Variants in HMCN2 observed in about 807,000 individuals in gnomAD.
HMCN2 encodes hemicentin-2.
Under a neutral mutation model 377.5 loss-of-function variants are expected in HMCN2, and 325 were observed. The observed-to-expected ratio is 0.86, with a 90% CI of 0.79 to 0.94. HMCN2 has a LOEUF of 0.94. Ranked by LOEUF, HMCN2 falls within the 40% of genes least tolerant of loss-of-function variation. The pLI is 0.00. For missense variants in HMCN2, 4,543 were observed against 4,725.3 expected (o/e 0.96, Z 1.13); for synonymous variants, 2,007 against 2,046.8 (o/e 0.98, Z 0.53).
chr9:130,410,299 G>A (rs1463440764), intron 84 of HMCN2, among the ~76,000 whole-genome samples: 1 of 152,238 alleles, frequency 6.6e-6, no homozygotes, highest in Non-Finnish European at 1.5e-5. Context: ...TCTACACCAT[G>A]CTTTTCCAGC....
At chr9:130,386,371 A>ATGC in intron 60 of HMCN2, 72 bp from the exon 61 acceptor site, 1 of 985,156 alleles carries the variant, frequency 1.0e-6, no homozygotes, top group Non-Finnish European at 1.4e-6. Context: ...GGGGGCCTAG[A>ATGC]TGCTTTTGGG....
At chr9:130,342,967 GTT>G (rs1839140032) in intron 25 of HMCN2, among the ~76,000 whole-genome samples, 1 of 152,200 alleles carries the variant, frequency 6.6e-6, no homozygotes, top group Admixed American at 6.5e-5. Flanking sequence ...GCCCTTCCTG[GTT>G]TTGTAACTCA....
At chr9:130,268,473 G>A (rs1296375366) in intron 1 of HMCN2, among the ~76,000 whole-genome samples, 2 of 139,350 alleles carry the variant, frequency 1.4e-5, no homozygotes, top group African/African-American at 4.9e-5. Context: ...TTCATTCCAC[G>A]GGGCTGGTAG....
Position 130,428,487 on chromosome 9 carries a change from A to G in HMCN2, c.14195A>G (p.Glu4732Gly). Residue 4732 changes from glutamate to glycine, a missense_variant and splice_region_variant, in exon 93 of 98, where the codon GAA (glutamate) becomes GGA (glycine). Glu to Gly is a moderately conservative substitution (Grantham distance 98, BLOSUM62 -2). Transcript: ENST00000683500. The surrounding 1 kb of genome is among the most constrained non-coding windows in gnomAD (Gnocchi z 5.0). Reference sequence around the variant, plus strand: ...CGGGTGGCTGATGGGGCCGGCTGTGAAGGTGATGGGGGCACAGCATGCGGC... The same window carrying G: ...CGGGTGGCTGATGGGGCCGGCTGTGGAGGTGATGGGGGCACAGCATGCGGC... Reference protein sequence around the residue: ...GFRVADGAGCEDVDECLEGLD... With the variant: ...GFRVADGAGCGDVDECLEGLD... 1 of 1,539,966 alleles carries G rather than the reference A, an allele frequency of 6.5e-7. No individual in the cohort carries two copies. The highest frequency in any genetic ancestry group is 2.4e-5 in the East Asian group (1 of 40,912).
chr9:130,400,587 T>A (rs79486869), intron 76 of HMCN2, 196 bp from the exon 77 acceptor site: 2 of 233,376 alleles, frequency 8.6e-6, no homozygotes, highest in South Asian at 4.9e-5. Flanking sequence ...CTTTTTTTTT[T>A]AAAGAAAAAA....
At chr9:130,416,570 G>A (rs1050230432) in intron 85 of HMCN2, among the ~76,000 whole-genome samples, 3 of 152,166 alleles carry the variant, frequency 2.0e-5, no homozygotes, top group South Asian at 2.1e-4. Flanking sequence ...GTTTATTCAT[G>A]TATTCCACTC....
At chr9:130,270,783 G>T (rs1834370086) in intron 1 of HMCN2, among the ~76,000 whole-genome samples, 1 of 148,484 alleles carries the variant, frequency 6.7e-6, no homozygotes, top group African/African-American at 2.4e-5. Flanking sequence ...TTGCTATGTT[G>T]CCTAGGCCGA....
At position 130,354,916 on chromosome 9, in the gene HMCN2, C is replaced by T. The variant is rs540660534; in HGVS notation, c.5018C>T (p.Ser1673Leu). ...CTGCCCGTGGCAGAGAGCAACGAGT[C>T]GCGGCTGGAGACAGACGGGAGTGTG... is the stretch of plus-strand genomic sequence containing the variant. Reference protein sequence around the residue: ...EGLPVAESNESRLETDGSVLR... With the variant: ...EGLPVAESNELRLETDGSVLR... The change falls in exon 32 of 98, where the codon TCG becomes TTG. Residue 1673 changes from serine to leucine, a missense_variant. Around this residue, in one of 5 missense-constraint regions of HMCN2, gnomAD observed 1,032 missense variants for 1,285.1 expected, o/e 0.80. Transcript: ENST00000683500. 7.7e-5 allele frequency: 101 copies of T among 1,304,092 alleles called. No homozygotes were observed. The highest frequency in any genetic ancestry group is 9.5e-5 in the Non-Finnish European group (94 of 988,950). 80.8% of individuals were successfully genotyped at this position (1,304,092 alleles called of 1,614,324 possible).
At chr9:130,387,015 G>T (rs543741665) in intron 61 of HMCN2, among the ~76,000 whole-genome samples, 8 of 152,350 alleles carry the variant, frequency 5.3e-5, no homozygotes, top group South Asian at 2.1e-4. Flanking sequence ...TCTATAAAGT[G>T]CTGGGCACAG....
rs782290002 is a variant in HMCN2 at position 130,309,960 on chromosome 9, T to C, written c.2249T>C (p.Leu750Pro). Residue 750 changes from leucine (L) to proline (P), a missense_variant, in exon 15 of 98, where the codon CTG becomes CCG. Leu to Pro is a moderately conservative substitution (Grantham distance 98, BLOSUM62 -3). Around this residue, in one of 5 missense-constraint regions of HMCN2, gnomAD observed 547 missense variants for 189.9 expected, o/e 2.88. Coordinates refer to ENST00000683500, the MANE Select transcript of HMCN2 (RefSeq NM_001291815.2). Reference protein sequence around the residue: ...LAPEGSSSGKLRIPAAQERDA... With the variant: ...LAPEGSSSGKPRIPAAQERDA... ...CCTGAGGGCTCCAGCTCTGGGAAGCTGCGGATCCCGGCGGCTCAGGAGAGG... is the reference window on the plus strand; with the variant it reads ...CCTGAGGGCTCCAGCTCTGGGAAGCCGCGGATCCCGGCGGCTCAGGAGAGG... 2.3e-5 allele frequency: 12 copies of C among 528,826 alleles called. No individual in the cohort carries two copies. The highest frequency in any genetic ancestry group is 7.8e-6 in the Non-Finnish European group (2 of 257,504). The allele number at this position is 528,826 out of a possible 1,614,324, so 32.8% of individuals were successfully genotyped here.
intron 71 of HMCN2, among the ~76,000 whole-genome samples, 193 bp downstream of exon 71, chr9:130,395,540 C>A (rs917692387): frequency 1.3e-5 from 2 of 152,178 alleles, no homozygotes; most frequent in African/African-American, 4.8e-5. Flanking sequence ...GACACTGAGG[C>A]AAGGCTCAGG....
intron 4 of HMCN2, among the ~76,000 whole-genome samples, 175 bp from the exon 5 acceptor site, chr9:130,294,680 C>T (rs1010206265): frequency 7.9e-5 from 12 of 152,182 alleles, no homozygotes; most frequent in Non-Finnish European, 1.8e-4. Flanking sequence ...GGCTTCACAG[C>T]TTGGAGCCTA....
At chr9:130,319,157 A>T (rs1403886371) in intron 15 of HMCN2, among the ~76,000 whole-genome samples, 1 of 152,190 alleles carries the variant, frequency 6.6e-6, no homozygotes, top group Non-Finnish European at 1.5e-5. Flanking sequence ...GGTCACAATC[A>T]GACTGAGAAA....
chr9:130,355,718 A>AAC (rs1270529820), intron 32 of HMCN2, 28 bp from the exon 33 acceptor site: 1 of 1,272,586 alleles, frequency 7.9e-7, no homozygotes, highest in Non-Finnish European at 1.0e-6. Flanking sequence ...CTCAGCTCCA[A>AAC]ACACCCAGGA....
chr9:130,433,450 C>A lies in HMCN2; in HGVS notation c.14997C>A (p.Asp4999Glu). The change falls in exon 98 of 98, where the codon GAC (aspartate) becomes GAA (glutamate). Residue 4999 changes from aspartate to glutamate, a missense_variant. Physicochemically the swap from Asp to Glu is conservative, Grantham distance 45. Coordinates refer to ENST00000683500, the MANE Select transcript of HMCN2 (RefSeq NM_001291815.2). The part of the protein sequence containing the change: ...PLPLGVRAHH[D>E]VARLTAFSEV... The stretch of plus-strand genomic sequence containing the variant: ...CCCTGGGCGTGCGCGCCCACCACGA[C>A]GTGGCCCGCCTCACCGCCTTCTCCG... The A allele has an allele frequency of 1.3e-6, 2 of 1,498,324 alleles. No individual in the cohort carries two copies. The highest frequency in any genetic ancestry group is 1.8e-6 in the Non-Finnish European group (2 of 1,131,764). 92.8% of individuals were successfully genotyped at this position (1,498,324 alleles called of 1,614,324 possible).
chr9:130,379,278 T>G lies in HMCN2; in HGVS notation c.8242T>G (p.Phe2748Val). Reference protein sequence around the residue: ...VPPMFQKVGDFSAAFEILSRE... With the variant: ...VPPMFQKVGDVSAAFEILSRE... ...CCCCATGTTCCAGAAGGTGGGTGAT[T>G]TCAGTGCAGCCTTCGAGATCCTGTC... The change falls in exon 54 of 98, where the codon TTC (phenylalanine) becomes GTC (valine). Residue 2748 changes from phenylalanine (F) to valine (V), a missense_variant. Around this residue, in one of 5 missense-constraint regions of HMCN2, gnomAD observed 736 missense variants for 773.2 expected, o/e 0.95. Transcript: ENST00000683500. 1 of 985,532 alleles carries G rather than the reference T, an allele frequency of 1.0e-6. No homozygotes were observed. The allele number at this position is 985,532 out of a possible 1,614,324, so 61.0% of individuals were successfully genotyped here.
In HMCN2 at chr9:130,303,450, G is replaced by T. The variant is rs2131341449; in HGVS notation, c.1422-37G>T. On this transcript the variant is annotated intron_variant, in intron 9 of 97. Transcript: ENST00000683500. This position sits in a 1 kb window ranked among gnomAD's most constrained non-coding sequence, Gnocchi z 5.2. ...CGGGGGGGACCCTGAGTGGGGGTCA[G>T]TGTGATTGTGTGTCTCCCACTGTTC... The T allele has an allele frequency of 2.4e-6, 1 of 423,356 alleles. No individual in the cohort carries two copies. The highest frequency in any genetic ancestry group is 5.0e-6 in the Non-Finnish European group (1 of 200,334). 26.2% of individuals were successfully genotyped at this position (423,356 alleles called of 1,614,324 possible).
At chr9:130,344,658 G>A (rs1268091568) in intron 25 of HMCN2, among the ~76,000 whole-genome samples, 4 of 150,682 alleles carry the variant, frequency 2.7e-5, no homozygotes, top group Admixed American at 2.0e-4. Context: ...ATATGTTTGT[G>A]TGTGGTGTGT....
intron 13 of HMCN2, 111 bp from the exon 14 acceptor site, chr9:130,307,342 G>A (rs1836929532): frequency 2.2e-6 from 1 of 447,582 alleles, no homozygotes; most frequent in Non-Finnish European, 4.7e-6. Flanking sequence ...GGGCAGCAAG[G>A]AGGCCGGTGT....
Sources: gnomAD v4.1 joint callset for allele counts (sites outside exome capture counted in the v4.1 genomes callset) on GRCh38, gnomAD v4.1.1 for gene constraint, gnomAD v4.1.1 regional missense constraint, Gnocchi (gnomAD v3.1) non-coding constraint, MANE v1.5 for transcripts, NCBI Gene and HGNC (gene_info 2026-07-23, HGNC 2026-07-21) for gene names.